TAF4B: variants seen among roughly 807,000 people sequenced by gnomAD.
The protein encoded by TAF4B is TATA-box binding protein associated factor 4b, also known as transcription initiation factor TFIID subunit 4B.
TAF4B carries 38 observed loss-of-function variants against 86.4 expected under a neutral mutation model. The observed-to-expected ratio is 0.44, with a 90% CI of 0.34 to 0.58. TAF4B has a LOEUF of 0.58. Among genes scored for constraint, TAF4B ranks in the 20% least tolerant of loss-of-function variants. TAF4B has a pLI of 0.02. For synonymous variants in TAF4B, 388 were observed against 391.2 expected (o/e 0.99, Z 0.10); for missense variants, 988 against 1,027.6 (o/e 0.96, Z 0.53).
Position 26,287,792 on chromosome 18 carries a change from C to T in TAF4B, c.1590+1293C>T, listed in dbSNP as rs533611873. Among the ~76,000 whole-genome samples the T allele has an allele frequency of 3.9e-5, 6 of 152,248 alleles. No individual in the cohort carries two copies. The South Asian group carries it at 6.2e-4, about 16-fold the overall frequency. Reference sequence around the variant, plus strand: ...GAATAAGAGGTATCTGAGTGATTGTCGTCTGAGGCAACAGGGCAGCTTTGG... The same window carrying T: ...GAATAAGAGGTATCTGAGTGATTGTTGTCTGAGGCAACAGGGCAGCTTTGG... On this transcript the variant is annotated intron_variant, in intron 7 of 14. Transcript: ENST00000269142.
At chr18:26,370,938 G>A (rs1300559623) in intron 14 of TAF4B, among the ~76,000 whole-genome samples, 1 of 152,146 alleles carries the variant, frequency 6.6e-6, no homozygotes, top group Non-Finnish European at 1.5e-5. Flanking sequence ...CAAAGGCTTG[G>A]GGAAATTGGG....
At chr18:26,303,888 A>G in intron 9 of TAF4B, among the ~76,000 whole-genome samples, 1 of 152,144 alleles carries the variant, frequency 6.6e-6, no homozygotes, top group East Asian at 1.9e-4. Context: ...CATTATATAT[A>G]CCTTTTTAAA....
At chr18:26,331,493 C>T (rs531141791) in intron 12 of TAF4B, among the ~76,000 whole-genome samples, 1 of 152,284 alleles carries the variant, frequency 6.6e-6, no homozygotes, top group East Asian at 1.9e-4. Flanking sequence ...CATGACTTCA[C>T]TGGCTAATAG....
rs1277229486 is a variant in TAF4B at position 26,282,137 on chromosome 18, T to A, written c.972+77T>A. 5.8e-6 allele frequency: 7 copies of A among 1,211,390 alleles called. No homozygotes were observed. The African/African-American group carries it at 7.7e-5, about 13-fold the overall frequency. The allele number at this position is 1,211,390 out of a possible 1,614,324, so 75.0% of individuals were successfully genotyped here. On this transcript the variant is annotated intron_variant, in intron 6 of 14. Transcript: ENST00000269142. ...ATAATTAAAAATGGGAATATTTCAA[T>A]ATGACAGCAATTGAATGTGAAGATA...
At chr18:26,290,782 C>A (rs2056581878) in intron 7 of TAF4B, among the ~76,000 whole-genome samples, 1 of 152,126 alleles carries the variant, frequency 6.6e-6, no homozygotes, top group African/African-American at 2.4e-5. Context: ...AAAATACTGA[C>A]AGGAATACCT....
chr18:26,351,546 T>A (rs1031372541), intron 13 of TAF4B, among the ~76,000 whole-genome samples: 3 of 152,192 alleles, frequency 2.0e-5, no homozygotes, highest in Non-Finnish European at 2.9e-5. Context: ...TCTGAGATGA[T>A]GGGTATACTA....
At chr18:26,287,001 G>T (rs1045764970) in intron 7 of TAF4B, among the ~76,000 whole-genome samples, 2 of 152,066 alleles carry the variant, frequency 1.3e-5, no homozygotes, top group African/African-American at 4.8e-5. Context: ...AAACACACAC[G>T]TAAGTCTTTA....
intron 13 of TAF4B, among the ~76,000 whole-genome samples, chr18:26,345,751 G>A (rs1434527616): frequency 6.6e-6 from 1 of 152,056 alleles, no homozygotes; most frequent in African/African-American, 2.4e-5. Flanking sequence ...TCAGTGTAGG[G>A]ATACATCAAA....
rs867012275 is a variant in TAF4B at position 26,346,909 on chromosome 18, A to G, written c.2317-10781A>G. ...TATATATATATATATATGTGTGTGT[A>G]TATATATATATATAGTTTTTTGTTG... On this transcript the variant is annotated intron_variant, in intron 13 of 14. Coordinates refer to ENST00000269142, the MANE Select transcript of TAF4B (RefSeq NM_005640.3). Among the ~76,000 whole-genome samples, 8 of 85,560 alleles carry G rather than the reference A, an allele frequency of 9.4e-5. 3 individuals carry two copies. In the East Asian group the frequency reaches 2.3e-3, roughly 25 times the overall value. The allele number at this position is 85,560 out of a possible 152,430, so 56.1% of individuals were successfully genotyped here.
At chr18:26,327,346 CT>C (rs2057012428) in intron 12 of TAF4B, among the ~76,000 whole-genome samples, 1 of 152,110 alleles carries the variant, frequency 6.6e-6, no homozygotes, top group African/African-American at 2.4e-5. Flanking sequence ...AATCTTTTGT[CT>C]TCTCACATTT....
chr18:26,269,594 G>A (rs941025231), intron 3 of TAF4B, among the ~76,000 whole-genome samples: 2 of 152,098 alleles, frequency 1.3e-5, no homozygotes, highest in African/African-American at 4.8e-5. Flanking sequence ...GAACCATACT[G>A]CTCACGTTCT....
intron 9 of TAF4B, among the ~76,000 whole-genome samples, chr18:26,307,852 G>A (rs535206342): frequency 1.1e-4 from 16 of 152,260 alleles, no homozygotes; most frequent in African/African-American, 3.9e-4. Flanking sequence ...GCTCACGCTT[G>A]TAATCCCAGC....
At chr18:26,307,144 T>C (rs912113609) in intron 9 of TAF4B, among the ~76,000 whole-genome samples, 3 of 152,218 alleles carry the variant, frequency 2.0e-5, no homozygotes, top group African/African-American at 7.2e-5. Context: ...GTTGGCTCTT[T>C]TGTTAAATAA....
At chr18:26,297,315 G>C (rs932570901) in intron 9 of TAF4B, among the ~76,000 whole-genome samples, 1 of 152,108 alleles carries the variant, frequency 6.6e-6, no homozygotes, top group Admixed American at 6.5e-5. Context: ...AAATTCGTTG[G>C]CACTGTTAAG....
chr18:26,277,688 A>T (rs772861145), intron 5 of TAF4B, among the ~76,000 whole-genome samples: 1 of 152,114 alleles, frequency 6.6e-6, no homozygotes, highest in Non-Finnish European at 1.5e-5. Context: ...ATCATGGTGG[A>T]TATTCTTTAG....
At chr18:26,260,275 C>T (rs1054344912) in intron 1 of TAF4B, among the ~76,000 whole-genome samples, 1 of 152,106 alleles carries the variant, frequency 6.6e-6, no homozygotes, top group Non-Finnish European at 1.5e-5. Context: ...TGCAGAAGCT[C>T]TTTAGTTTAA....
At chr18:26,287,765 C>T (rs1395572024) in intron 7 of TAF4B, among the ~76,000 whole-genome samples, 1 of 152,100 alleles carries the variant, frequency 6.6e-6, no homozygotes, top group Non-Finnish European at 1.5e-5. Context: ...TTTGTTTTAT[C>T]AGAATAAGAG....
intron 7 of TAF4B, 93 bp downstream of exon 7, chr18:26,286,592 A>G (rs184117131): frequency 2.2e-6 from 3 of 1,364,098 alleles, no homozygotes; most frequent in East Asian, 2.3e-5. Context: ...TAGTAAGGCT[A>G]TATACTGTTT....
In TAF4B at chr18:26,265,192, C is replaced by G; in HGVS notation, c.366C>G (p.Asn122Lys). 1 of 1,612,406 alleles carries G rather than the reference C, an allele frequency of 6.2e-7. No individual in the cohort carries two copies. The highest frequency in any genetic ancestry group is 2.2e-5 in the East Asian group (1 of 44,860). The change falls in exon 2 of 15, where the codon AAC becomes AAG. Residue 122 changes from asparagine (N) to lysine (K), a missense_variant. Physicochemically the swap from Asn to Lys is moderately conservative, Grantham distance 94 (BLOSUM62 0). This residue lies in a region of TAF4B where 747 missense variants were observed against 737.9 expected (regional missense o/e 1.01). Coordinates refer to ENST00000269142, the MANE Select transcript of TAF4B (RefSeq NM_005640.3). ...TAGGAACCGTTTTGATTAAAAGTAA[C>G]AGTGGTCCGTTGATGTTGGTATCTC... ...LPPGTVLIKS[N>K]SGPLMLVSPQ...
Sources: gnomAD v4.1 joint callset for allele counts (sites outside exome capture counted in the v4.1 genomes callset) on GRCh38, gnomAD v4.1.1 for gene constraint, gnomAD v4.1.1 regional missense constraint, MANE v1.5 for transcripts, NCBI Gene and HGNC (gene_info 2026-07-23, HGNC 2026-07-21) for gene names.